Variants in UNC13C observed in about 807,000 individuals in gnomAD.
UNC13C encodes protein unc-13 homolog C.
Under a neutral mutation model 245.4 loss-of-function variants are expected in UNC13C, and 174 were observed. That is an observed-to-expected ratio of 0.71 (90% CI 0.63 to 0.80). The LOEUF is 0.80. Ranked by LOEUF, UNC13C falls within the 30% of genes least tolerant of loss-of-function variation. UNC13C has a pLI of 0.00. For missense variants in UNC13C, 2,829 were observed against 2,602.9 expected (o/e 1.09, Z -1.89); for synonymous variants, 992 against 895.1 (o/e 1.11, Z -1.93).
Position 54,300,970 on chromosome 15 carries a change from G to T in UNC13C, c.4268+597G>T, listed in dbSNP as rs993328603. Among the ~76,000 whole-genome samples, 4 of 144,242 alleles carry T rather than the reference G, an allele frequency of 2.8e-5. No individual in the cohort carries two copies. In the Admixed American group the frequency reaches 2.8e-4, roughly 10 times the overall value. 94.6% of individuals were successfully genotyped at this position (144,242 alleles called of 152,430 possible). On this transcript the variant is annotated intron_variant, in intron 13 of 32. Coordinates refer to ENST00000260323, the MANE Select transcript of UNC13C (RefSeq NM_001080534.3). Reference sequence around the variant, plus strand: ...AGAACGCAAACAGTATAAAAAATGTGATACCACAGAATTAACTTATTATAA... The same window carrying T: ...AGAACGCAAACAGTATAAAAAATGTTATACCACAGAATTAACTTATTATAA...
chr15:54,203,222 G>C (rs2034578289), intron 4 of UNC13C, among the ~76,000 whole-genome samples: 1 of 151,802 alleles, frequency 6.6e-6, no homozygotes, highest in Non-Finnish European at 1.5e-5. Context: ...TTTTTACACT[G>C]TTGGTGGGAA....
intron 19 of UNC13C, among the ~76,000 whole-genome samples, chr15:54,464,522 T>G (rs1338826637): frequency 6.6e-6 from 1 of 152,160 alleles, no homozygotes; most frequent in Non-Finnish European, 1.5e-5. Flanking sequence ...AATAGACTTT[T>G]TCTTCTAAAG....
chr15:54,243,424 T>C (rs549435766), intron 7 of UNC13C, among the ~76,000 whole-genome samples: 3 of 152,328 alleles, frequency 2.0e-5, no homozygotes, highest in African/African-American at 4.8e-5. Context: ...TTTACTATTG[T>C]GAACAGTGCT....
rs558585440 is a variant in UNC13C at position 54,029,555 on chromosome 15, TAGAAG to T, written c.2983+13676_2983+13680del. On this transcript the variant is annotated intron_variant, in intron 2 of 32. Coordinates refer to ENST00000260323, the MANE Select transcript of UNC13C (RefSeq NM_001080534.3). ...CAGTGAATGACATCGTGGTTATAAG[TAGAAG>T]AGAAGACACAGAAAAATAAATAACT... Among the ~76,000 whole-genome samples the T allele has an allele frequency of 2.7e-3, 407 of 152,320 alleles. 3 individuals are homozygous for T. The highest frequency in any genetic ancestry group is 4.2e-3 in the Admixed American group (65 of 15,304).
At chr15:54,381,822 C>A (rs2039731094) in intron 17 of UNC13C, among the ~76,000 whole-genome samples, 1 of 151,998 alleles carries the variant, frequency 6.6e-6, no homozygotes, top group African/African-American at 2.4e-5. Context: ...ATTTCAACAT[C>A]CTACTCTCAG....
chr15:54,145,167 A>G (rs1251689041), intron 4 of UNC13C, among the ~76,000 whole-genome samples: 1 of 152,048 alleles, frequency 6.6e-6, no homozygotes, highest in African/African-American at 2.4e-5. Flanking sequence ...GAATACATTT[A>G]TGTACAGTAT....
intron 17 of UNC13C, among the ~76,000 whole-genome samples, chr15:54,339,626 T>A (rs1395516537): frequency 6.9e-6 from 1 of 145,958 alleles, no homozygotes; most frequent in East Asian, 2.1e-4. Flanking sequence ...AATAGTAGTA[T>A]TCCATTATGT....
rs892863700 is a variant in UNC13C at position 54,422,953 on chromosome 15, TA to T, written c.4933+7887del. ...AAAAGAAAATACACTTCTACAGCAA[TA>T]TAGTACACACACACACACACACACA... On this transcript the variant is annotated intron_variant, in intron 19 of 32. Transcript: ENST00000260323. 6.8e-5 allele frequency among the ~76,000 whole-genome samples: 7 copies of T among 102,656 alleles called. No homozygotes were observed. In the Admixed American group the frequency reaches 7.5e-4, roughly 11 times the overall value. 67.3% of individuals were successfully genotyped at this position (102,656 alleles called of 152,430 possible). A position where few individuals can be genotyped will look rare whatever the true frequency, so the allele number is the denominator to read the frequency against.
intron 2 of UNC13C, among the ~76,000 whole-genome samples, chr15:54,060,254 C>A (rs1028409483): frequency 6.6e-6 from 1 of 152,108 alleles, no homozygotes; most frequent in Non-Finnish European, 1.5e-5. Context: ...CTACAATGAA[C>A]TCAAACAAAT....
chr15:54,207,317 G>C (rs1395029551), intron 4 of UNC13C, among the ~76,000 whole-genome samples: 1 of 151,956 alleles, frequency 6.6e-6, no homozygotes, highest in African/African-American at 2.4e-5. Flanking sequence ...CCTGAGAATG[G>C]ATTAGTTTCA....
At chr15:54,002,079 G>A (rs1486058741) in intron 1 of UNC13C, among the ~76,000 whole-genome samples, 1 of 152,226 alleles carries the variant, frequency 6.6e-6, no homozygotes, top group African/African-American at 2.4e-5. Flanking sequence ...GAAGTCAGGA[G>A]ATCGAGACCA....
In UNC13C at chr15:54,250,247, C is replaced by A. The variant is rs1246987303; in HGVS notation, c.3251C>A (p.Thr1084Asn). 2 of 1,613,960 alleles carry A rather than the reference C, an allele frequency of 1.2e-6. No individual in the cohort carries two copies. Among genetic ancestry groups the A allele is most frequent in the Non-Finnish European group, 1.7e-6 (2 of 1,179,870 alleles). The stretch of plus-strand genomic sequence containing the variant: ...CAGAAAATGCACGTCTTCAAGAAGA[C>A]CTTGCAGGCACTGATCTACCCTATG... ...EELKMHVFKK[T>N]LQALIYPMSS... The change falls in exon 8 of 33, where the codon ACC becomes AAC. Residue 1084 changes from threonine to asparagine, a missense_variant. By Grantham distance (65) the Thr-to-Asn change is moderately conservative. Coordinates refer to ENST00000260323, the MANE Select transcript of UNC13C (RefSeq NM_001080534.3).
intron 19 of UNC13C, among the ~76,000 whole-genome samples, chr15:54,468,662 A>C (rs534000680): frequency 1.3e-4 from 19 of 151,800 alleles, no homozygotes; most frequent in African/African-American, 4.1e-4. Flanking sequence ...ATTCTTTTGC[A>C]TGTGGCTATC....
chr15:54,141,485 T>A (rs2032016196), intron 2 of UNC13C, among the ~76,000 whole-genome samples: 1 of 152,094 alleles, frequency 6.6e-6, no homozygotes. Flanking sequence ...AATACTTTTT[T>A]AACATATTAC....
At chr15:54,623,614 G>T (rs1477523558) in intron 31 of UNC13C, among the ~76,000 whole-genome samples, 181 bp from the exon 32 acceptor site, 1 of 152,178 alleles carries the variant, frequency 6.6e-6, no homozygotes, top group Non-Finnish European at 1.5e-5. Flanking sequence ...GCTTAAAGCT[G>T]AAAGCTCCAT....
chr15:54,558,279 T>C (rs1897168714), intron 29 of UNC13C, among the ~76,000 whole-genome samples: 1 of 152,012 alleles, frequency 6.6e-6, no homozygotes, highest in African/African-American at 2.4e-5. Context: ...TTATTCACCT[T>C]TGATAATAGA....
the UNC13C span, among the ~76,000 whole-genome samples, chr15:53,851,568 T>A: frequency 6.6e-6 from 1 of 152,162 alleles, no homozygotes; most frequent in Admixed American, 6.6e-5. Flanking sequence ...TGTCCACCTT[T>A]CACCTGCCCA....
rs190958708 is a variant in UNC13C, at chr15:54,330,525, C to T, written c.4426-1518C>T. On this transcript the variant is annotated intron_variant, in intron 14 of 32. Coordinates refer to ENST00000260323, the MANE Select transcript of UNC13C (RefSeq NM_001080534.3). ...GGGCCACAGTATGGTTGATCAGTCA[C>T]TTCAACTGTCTTGATGGTTTGTGCC... Among the ~76,000 whole-genome samples, 182 of 152,156 alleles carry T rather than the reference C, an allele frequency of 1.2e-3. 1 individual carries two copies. The highest frequency in any genetic ancestry group is 4.1e-3 in the African/African-American group (171 of 41,546).
At chr15:54,234,943 A>C (rs943268998) in intron 4 of UNC13C, 87 bp from the exon 5 acceptor site, 8 of 1,187,454 alleles carry the variant, frequency 6.7e-6, no homozygotes, top group Non-Finnish European at 9.7e-6. Flanking sequence ...CATCTTTTTC[A>C]CAGACTTTAT....
Sources: allele counts gnomAD v4.1 joint callset (sites outside exome capture counted in the v4.1 genomes callset), GRCh38; gene constraint gnomAD v4.1.1; transcripts MANE v1.5; gene names NCBI Gene and HGNC (gene_info 2026-07-23, HGNC 2026-07-21).